The following RAD54L variants were observed in gnomAD, a reference collection of about 807,000 sequenced individuals.
The protein encoded by RAD54L is RAD54 like.
RAD54L carries 74 observed loss-of-function variants against 91.6 expected under a neutral mutation model. That is an observed-to-expected ratio of 0.81 (90% confidence interval 0.67 to 0.98). The LOEUF (loss-of-function observed/expected upper bound fraction) is 0.98, where lower values mean the gene tolerates loss of function less well. RAD54L is among the 50% of genes least tolerant of loss of function. The pLI is 0.00. For missense variants in RAD54L, 887 were observed against 945.7 expected, an observed-to-expected ratio of 0.94 and a Z score of 0.81; for synonymous variants, 304 against 349.7, an observed-to-expected ratio of 0.87 and a Z score of 1.46.
intron 3 of RAD54L, among the ~76,000 whole-genome samples, chr1:46,258,428 C>T (rs563170763): frequency 6.6e-6 from 1 of 152,154 alleles, no homozygotes; most frequent in South Asian, 2.1e-4. Context: ...GTGGTATTTG[C>T]TTTCCAAGGT....
intron 12 of RAD54L, 50 bp downstream of exon 12, chr1:46,272,852 G>A: frequency 9.9e-6 from 16 of 1,610,998 alleles, no homozygotes; most frequent in Middle Eastern, 3.3e-4. Flanking sequence ...AGCAAGGGAG[G>A]GTAGGTTCCT....
chr1:46,256,950 C>G (rs1659957571), intron 3 of RAD54L, among the ~76,000 whole-genome samples: 1 of 152,058 alleles, frequency 6.6e-6, no homozygotes, highest in African/African-American at 2.4e-5. Context: ...TCAAGACCAG[C>G]CTGGCCAACA....
intron 7 of RAD54L, 26 bp downstream of exon 7, chr1:46,261,041 G>A (rs778236050): frequency 1.2e-6 from 2 of 1,607,468 alleles, no homozygotes; most frequent in Non-Finnish European, 8.5e-7. Context: ...AAAGATGGCT[G>A]CACTCTCCTG....
At position 46,260,594 on chromosome 1, in the gene RAD54L, C is replaced by A; in HGVS notation, c.460C>A (p.Arg154=). ...TGACCCTATTCTCAGTAAGGTTTTG[C>A]GGCCTCATCAGAGAGAGGTAAATGA... ...VVDPILSKVL[R]PHQREGVKFL... Residue 154 remains arginine, a synonymous_variant, in exon 6 of 18, where the codon CGG becomes AGG. Coordinates refer to ENST00000371975, the MANE Select transcript of RAD54L (RefSeq NM_003579.4). 6.2e-7 allele frequency: 1 copy of A among 1,614,042 alleles called. No individual in the cohort carries two copies. Among genetic ancestry groups the A allele is most frequent in the Non-Finnish European group, 8.5e-7 (1 of 1,179,962 alleles).
rs764774401 is a variant in RAD54L, at chr1:46,261,699, A to G, written c.891+314A>G. Among the ~76,000 whole-genome samples, 40 of 152,372 alleles carry G rather than the reference A, an allele frequency of 2.6e-4. 1 individual carries two copies. In the Middle Eastern group the frequency reaches 0.034, roughly 130 times the overall value. On this transcript the variant is annotated intron_variant, in intron 8 of 17. Coordinates refer to ENST00000371975, the MANE Select transcript of RAD54L (RefSeq NM_003579.4). The stretch of plus-strand genomic sequence containing the variant: ...TGGCAATGTTTAGAGGATATAAATC[A>G]GAAAGTGTCTGAGACAAGTCTCAAT...
Position 46,248,453 on chromosome 1 carries a change from G to T in RAD54L, c.3+45G>T, listed in dbSNP as rs1403483820. 1.9e-6 allele frequency: 3 copies of T among 1,614,132 alleles called. No homozygotes were observed. In the African/African-American group the frequency reaches 4.0e-5, roughly 22 times the overall value. On this transcript the variant is annotated intron_variant, in intron 1 of 17. Transcript: ENST00000371975. ...AGACTGGGAATAGCCCTGGGTCAGG[G>T]TCTAGTAGGCCTAGGCTGCAGGATC...
At position 46,263,386 on chromosome 1, in the gene RAD54L, T is replaced by C. The variant is rs1014863094; in HGVS notation, c.891+2001T>C. 4.6e-5 allele frequency among the ~76,000 whole-genome samples: 7 copies of C among 152,172 alleles called. No homozygotes were observed. Among genetic ancestry groups the C allele is most frequent in the Non-Finnish European group, 8.8e-5 (6 of 68,030 alleles). On this transcript the variant is annotated intron_variant, in intron 8 of 17. Transcript: ENST00000371975. The surrounding 1 kb of genome is among the most constrained non-coding windows in gnomAD (Gnocchi z 4.3). ...CTTGGGAGAGTTAACCTCCTTTGTA[T>C]ACCCCAGAGGTTCTAGTGGAGAGGT...
At chr1:46,274,498 C>A in intron 15 of RAD54L, 40 bp from the exon 16 acceptor site, 2 of 1,602,490 alleles carry the variant, frequency 1.2e-6, no homozygotes, top group Non-Finnish European at 1.7e-6. Flanking sequence ...CCAGTTTAGG[C>A]TATAAGAGGT....
Position 46,273,668 on chromosome 1 carries a change from C to T in RAD54L, c.1531C>T (p.Arg511Cys), listed in dbSNP as rs540912131. The change falls in exon 14 of 18, where the codon CGT (arginine) becomes TGT (cysteine). Residue 511 changes from arginine (R) to cysteine (C), a missense_variant. Arg to Cys is a radical substitution (Grantham distance 180). Coordinates refer to ENST00000371975, the MANE Select transcript of RAD54L (RefSeq NM_003579.4). ...LDYILAVTRS[R>C]SSDKVVLVSN... ...TTATATTCTGGCGGTGACCCGAAGC[C>T]GTAGCAGTGACAAAGTAGTGCTGGT... The T allele has an allele frequency of 9.3e-6, 15 of 1,613,964 alleles. No homozygotes were observed. Among genetic ancestry groups the T allele is most frequent in the African/African-American group, 6.7e-5 (5 of 74,986 alleles).
At chr1:46,276,802 T>G (rs556441411) in intron 16 of RAD54L, among the ~76,000 whole-genome samples, 14 of 152,330 alleles carry the variant, frequency 9.2e-5, no homozygotes, top group African/African-American at 3.4e-4. Flanking sequence ...CATCCAAGGT[T>G]TGTTTTTTGT....
chr1:46,269,117 A>C (rs1482699792), intron 9 of RAD54L, among the ~76,000 whole-genome samples: 1 of 152,098 alleles, frequency 6.6e-6, no homozygotes, highest in African/African-American at 2.4e-5. Flanking sequence ...ATATTGAAAA[A>C]ACCGTTCTTT....
chr1:46,273,840 G>A, intron 14 of RAD54L, 93 bp downstream of exon 14: 1 of 1,502,726 alleles, frequency 6.7e-7, no homozygotes, highest in Non-Finnish European at 9.0e-7. Flanking sequence ...CCAAGATCTG[G>A]GCACATAAGG....
chr1:46,248,181 ATC>A lies in RAD54L; in HGVS notation c.-220_-219del. On this transcript the variant is annotated 5_prime_UTR_variant, in exon 1 of 18. Transcript: ENST00000371975. ...GCTTGGTCTCTTCCTCTTTGGCCTAATCTCTCGTCTCGGCTTATTGGGGACGG... is the reference window on the plus strand; with the variant it reads ...GCTTGGTCTCTTCCTCTTTGGCCTAATCTCGTCTCGGCTTATTGGGGACGG... 1.5e-6 allele frequency: 1 copy of A among 657,582 alleles called. No individual in the cohort carries two copies. Among genetic ancestry groups the A allele is most frequent in the Non-Finnish European group, 2.8e-6 (1 of 363,622 alleles). 40.7% of individuals were successfully genotyped at this position (657,582 alleles called of 1,614,324 possible).
At chr1:46,254,792 G>A (rs1557699056) in intron 3 of RAD54L, among the ~76,000 whole-genome samples, 2 of 152,080 alleles carry the variant, frequency 1.3e-5, no homozygotes, top group Non-Finnish European at 2.9e-5. Context: ...TCACTGTGTT[G>A]CCCAGGCAGG....
Position 46,268,529 on chromosome 1 carries a change from C to A in RAD54L, c.1042+920C>A, listed in dbSNP as rs1357384523. Reference sequence around the variant, plus strand: ...ATTACTAACACTCTCTCAGCAGCCCCTTTTCTAATCACTATCCTCTCCTTT... The same window carrying A: ...ATTACTAACACTCTCTCAGCAGCCCATTTTCTAATCACTATCCTCTCCTTT... On this transcript the variant is annotated intron_variant, in intron 9 of 17. Transcript: ENST00000371975. Among the ~76,000 whole-genome samples the A allele has an allele frequency of 4.6e-5, 7 of 152,228 alleles. No homozygotes were observed. The East Asian group carries it at 1.3e-3, about 29-fold the overall frequency.
chr1:46,250,281 G>T (rs1296686572), intron 3 of RAD54L, among the ~76,000 whole-genome samples, 162 bp downstream of exon 3: 2 of 152,210 alleles, frequency 1.3e-5, no homozygotes, highest in East Asian at 3.9e-4. Flanking sequence ...CCTGCTTAGA[G>T]AGGTGTGCCT....
intron 9 of RAD54L, among the ~76,000 whole-genome samples, chr1:46,269,053 C>T (rs1660344570): frequency 6.6e-6 from 1 of 152,194 alleles, no homozygotes; most frequent in African/African-American, 2.4e-5. Flanking sequence ...GCATGAGCCC[C>T]TATGCCTGGC....
chr1:46,264,726 G>A (rs12410307), intron 8 of RAD54L, among the ~76,000 whole-genome samples: 10,245 of 152,326 alleles, frequency 0.067, 492 homozygotes, highest in Middle Eastern at 0.13. Context: ...TTCTCCTAGC[G>A]AGTACATAGT....
chr1:46,250,086 CA>C lies in RAD54L; in HGVS notation c.179del (p.Asn60IlefsTer41), dbSNP rs1346507931. 1 of 1,614,058 alleles carries C rather than the reference CA, an allele frequency of 6.2e-7. No individual in the cohort carries two copies. The highest frequency in any genetic ancestry group is 1.3e-5 in the African/African-American group (1 of 74,910). ...PFRKPLSQLT[N>X]QPPCLDSSQH... ...TTCGGAAACCTTTGAGTCAGCTAAC[CA>C]ATCAACCACCTTGTCTGGACAGCAG... is the stretch of plus-strand genomic sequence containing the variant. On this transcript the variant is annotated frameshift_variant, in exon 3 of 18. Coordinates refer to ENST00000371975, the MANE Select transcript of RAD54L (RefSeq NM_003579.4). LOFTEE classifies it high-confidence loss of function.
Sources: allele counts gnomAD v4.1 joint callset (sites outside exome capture counted in the v4.1 genomes callset), GRCh38; gene constraint gnomAD v4.1.1; non-coding constraint Gnocchi (gnomAD v3.1); transcripts MANE v1.5; gene names NCBI Gene and HGNC (gene_info 2026-07-23, HGNC 2026-07-21).